DNAH9: variants seen among roughly 807,000 people sequenced by gnomAD.
DNAH9 encodes the protein dynein axonemal heavy chain 9.
DNAH9 carries 345 observed loss-of-function variants against 471.6 expected under a neutral mutation model. The observed-to-expected ratio is 0.73, with a 90% CI of 0.67 to 0.80. DNAH9 has a LOEUF of 0.80. DNAH9 is among the 30% of genes least tolerant of loss of function. The pLI is 0.00. For missense variants in DNAH9, 5,407 were observed against 5,609.2 expected (o/e 0.96, Z 1.15); for synonymous variants, 2,093 against 2,123.6 (o/e 0.99, Z 0.40).
At chr17:11,774,860 A>C (rs57654926) in intron 38 of DNAH9, among the ~76,000 whole-genome samples, 16,436 of 152,250 alleles carry the variant, frequency 0.11, 1,010 homozygotes, top group Non-Finnish European at 0.14. Context: ...AAAAAAAACT[A>C]TATTGAGTTA....
At chr17:11,734,389 C>A (rs149018891) in intron 28 of DNAH9, among the ~76,000 whole-genome samples, 2 of 152,202 alleles carry the variant, frequency 1.3e-5, no homozygotes, top group Non-Finnish European at 2.9e-5. Flanking sequence ...TTAATTCCTG[C>A]GGAATAGGAC....
At chr17:11,785,536 C>T (rs7220782) in intron 41 of DNAH9, among the ~76,000 whole-genome samples, 7,532 of 152,092 alleles carry the variant, frequency 0.05, 631 homozygotes, top group African/African-American at 0.17. Context: ...AAGCAGAAAC[C>T]TACTAAACCC....
chr17:11,768,357 T>C, intron 36 of DNAH9, 96 bp from the exon 37 acceptor site: 1 of 1,275,076 alleles, frequency 7.8e-7, no homozygotes, highest in Non-Finnish European at 1.1e-6. Flanking sequence ...AGGAGCACGT[T>C]GTCCTGCCCT....
chr17:11,743,265 A>G (rs753816025), intron 30 of DNAH9, among the ~76,000 whole-genome samples: 38 of 152,234 alleles, frequency 2.5e-4, no homozygotes, highest in Non-Finnish European at 4.4e-4. Flanking sequence ...CCTATATATA[A>G]TTTTAAATGA....
intron 53 of DNAH9, among the ~76,000 whole-genome samples, chr17:11,876,815 G>C (rs753645259): frequency 3.3e-5 from 5 of 152,162 alleles, no homozygotes; most frequent in Non-Finnish European, 7.3e-5. Flanking sequence ...CACCTCCCGG[G>C]TTCAAGCAAG....
intron 45 of DNAH9, 38 bp downstream of exon 45, chr17:11,810,407 C>T (rs746219237): frequency 6.3e-7 from 1 of 1,597,168 alleles, no homozygotes; most frequent in Non-Finnish European, 8.5e-7. Flanking sequence ...CTGATAAATT[C>T]CCCCTGGAAT....
At chr17:11,708,525 G>A (rs765725267) in intron 26 of DNAH9, among the ~76,000 whole-genome samples, 15 of 152,100 alleles carry the variant, frequency 9.9e-5, no homozygotes, top group Non-Finnish European at 1.9e-4. Context: ...CTGGAGTTGG[G>A]GGTGGGGGGC....
At chr17:11,964,101 C>T (rs1168509566) in intron 68 of DNAH9, among the ~76,000 whole-genome samples, 1 of 152,132 alleles carries the variant, frequency 6.6e-6, no homozygotes, top group Non-Finnish European at 1.5e-5. Flanking sequence ...TTTTATTATG[C>T]CAGCCCTAGG....
At chr17:11,918,559 T>C (rs1246726686) in intron 61 of DNAH9, among the ~76,000 whole-genome samples, 2 of 152,084 alleles carry the variant, frequency 1.3e-5, no homozygotes, top group African/African-American at 4.8e-5. Context: ...AAGTAAAAGA[T>C]AGATAAGCTG....
In DNAH9 at chr17:11,647,185, A is replaced by G; in HGVS notation, c.2084A>G (p.Asn695Ser). 2 of 1,614,010 alleles carry G rather than the reference A, an allele frequency of 1.2e-6. No individual in the cohort carries two copies. Among genetic ancestry groups the G allele is most frequent in the South Asian group, 2.2e-5 (2 of 91,076 alleles). The stretch of plus-strand genomic sequence containing the variant: ...CCAGAGACGAAGGAGATCACTATCA[A>G]CTTTAACCCACAGGTCAGTTGGCTG... ...RDPETKEITI[N>S]FNPQLISVLK... The change falls in exon 12 of 69, where the codon AAC becomes AGC. Residue 695 changes from asparagine (N) to serine (S), a missense_variant. Around this residue, in one of 3 missense-constraint regions of DNAH9, gnomAD observed 4,636 missense variants for 4,900.3 expected, o/e 0.95. Coordinates refer to ENST00000262442, the MANE Select transcript of DNAH9 (RefSeq NM_001372.4).
At position 11,769,139 on chromosome 17, in the gene DNAH9, G is replaced by A. The variant is rs150385575; in HGVS notation, c.7362G>A (p.Thr2454=). The change falls in exon 38 of 69, where the codon ACG becomes ACA. Residue 2454 remains threonine, a synonymous_variant. Transcript: ENST00000262442. ...EMPLQACLVH[T]SETIRVCYFM... Reference sequence around the variant, plus strand: ...CATTCCAGGCGTGTTTGGTGCACACGAGTGAGACCATCCGTGTGTGCTACT... The same window carrying A: ...CATTCCAGGCGTGTTTGGTGCACACAAGTGAGACCATCCGTGTGTGCTACT... The A allele has an allele frequency of 1.2e-5, 20 of 1,614,074 alleles. No individual in the cohort carries two copies. The highest frequency in any genetic ancestry group is 2.7e-5 in the African/African-American group (2 of 74,942).
chr17:11,807,630 G>A (rs566392202), intron 43 of DNAH9, 102 bp from the exon 44 acceptor site: 22 of 1,266,224 alleles, frequency 1.7e-5, no homozygotes, highest in East Asian at 1.2e-4. Context: ...AGCCTGTGAC[G>A]TGCCTCCAAG....
chr17:11,709,931 G>A (rs2074801412), intron 26 of DNAH9, among the ~76,000 whole-genome samples: 1 of 152,142 alleles, frequency 6.6e-6, no homozygotes, highest in African/African-American at 2.4e-5. Context: ...AGTCTTTCAA[G>A]GTGATTTTCT....
At chr17:11,916,093 G>T (rs1973947706) in intron 61 of DNAH9, among the ~76,000 whole-genome samples, 3 of 152,114 alleles carry the variant, frequency 2.0e-5, no homozygotes, top group Admixed American at 6.6e-5. Context: ...TCCCCTGGAG[G>T]CTTTGTTCCT....
At chr17:11,914,192 GTGA>G (rs1246138665) in intron 61 of DNAH9, among the ~76,000 whole-genome samples, 1 of 152,182 alleles carries the variant, frequency 6.6e-6, no homozygotes, top group African/African-American at 2.4e-5. Context: ...TGCTTTATAG[GTGA>G]TGATAATTTT....
intron 2 of DNAH9, among the ~76,000 whole-genome samples, chr17:11,609,185 G>C (rs1219462655): frequency 1.3e-5 from 2 of 152,170 alleles, no homozygotes; most frequent in Non-Finnish European, 2.9e-5. Context: ...CGAAGAATAA[G>C]TAACGCATGC....
At chr17:11,967,268 G>A (rs1976817413) in intron 68 of DNAH9, among the ~76,000 whole-genome samples, 1 of 151,702 alleles carries the variant, frequency 6.6e-6, no homozygotes. Flanking sequence ...ACCATGCCCG[G>A]CTAACTTTTT....
chr17:11,768,394 C>G, intron 36 of DNAH9, 59 bp from the exon 37 acceptor site: 2 of 1,559,186 alleles, frequency 1.3e-6, no homozygotes, highest in South Asian at 2.3e-5. Flanking sequence ...CCGTGGCCTC[C>G]TGTGTGGGCT....
chr17:11,684,636 C>G (rs2074204393), intron 19 of DNAH9, among the ~76,000 whole-genome samples: 1 of 152,190 alleles, frequency 6.6e-6, no homozygotes, highest in Non-Finnish European at 1.5e-5. Context: ...CGAGGGATTA[C>G]TGAGCCAAAA....
Sources: gnomAD v4.1 joint callset for allele counts (sites outside exome capture counted in the v4.1 genomes callset) on GRCh38, gnomAD v4.1.1 for gene constraint, gnomAD v4.1.1 regional missense constraint, MANE v1.5 for transcripts, NCBI Gene and HGNC (gene_info 2026-07-23, HGNC 2026-07-21) for gene names.